RNF14: variants seen among roughly 807,000 people sequenced by gnomAD.
The protein encoded by RNF14 is ring finger protein 14, also known as E3 ubiquitin-protein ligase RNF14.
RNF14 carries 26 observed loss-of-function variants against 52.6 expected under a neutral mutation model. The ratio of observed to expected loss-of-function variants is 0.49; its 90% CI spans 0.36 to 0.69. The LOEUF is 0.69. Ranked by LOEUF, RNF14 falls within the 30% of genes least tolerant of loss-of-function variation. The pLI, the probability that RNF14 is intolerant of heterozygous loss-of-function variation, is 0.00. For synonymous variants in RNF14, 194 were observed against 202.0 expected (o/e 0.96, Z 0.34); for missense variants, 404 against 560.4 (o/e 0.72, Z 2.82).
the RNF14 span, among the ~76,000 whole-genome samples, chr5:141,951,882 CTG>C: frequency 6.6e-6 from 1 of 152,240 alleles, no homozygotes; most frequent in Non-Finnish European, 1.5e-5. Context: ...CTGGTGGACT[CTG>C]AGAGATGGGG....
upstream of RNF14, chr5:141,969,016 A>C (rs976319820): frequency 3.9e-5 from 6 of 152,158 alleles, no homozygotes; most frequent in African/African-American, 1.2e-4. Flanking sequence ...GGCGCCCGAG[A>C]GGCAGGGGCG....
At chr5:141,976,776 CTTTTTTTTTTTTTTTTT>C (rs70991717) in intron 4 of RNF14, among the ~76,000 whole-genome samples, 2 of 100,064 alleles carry the variant, frequency 2.0e-5, no homozygotes, top group African/African-American at 4.0e-5. Context: ...CTTTCTCTCT[CTTTTTTTTTTTTTTTTT>C]TTTTTTTTTT....
At chr5:141,979,224 G>GTTT (rs369460007) in intron 5 of RNF14, among the ~76,000 whole-genome samples, 13,242 of 71,974 alleles carry the variant, frequency 0.18, 710 homozygotes, top group Middle Eastern at 0.27. Context: ...GCCTACTTAG[G>GTTT]TGGTGGTGGT....
chr5:141,956,637 A>T, upstream of RNF14: 2 of 1,614,200 alleles, frequency 1.2e-6, no homozygotes, highest in South Asian at 2.2e-5. Flanking sequence ...TGTTGCCATT[A>T]GTTCTTTTCA....
In RNF14 at chr5:141,971,570, TC is replaced by T. The variant is rs376174657; in HGVS notation, c.-7+694del. ...TAATTGTAGCTAATTTCTTTTTCTT[TC>T]TTTCTTTCTTTCTTTCTTTCTTTCT... On this transcript the variant is annotated intron_variant, in intron 2 of 8. Transcript: ENST00000394520. Among the ~76,000 whole-genome samples, 161 of 137,690 alleles carry T rather than the reference TC, an allele frequency of 1.2e-3. 7 individuals carry two copies. The highest frequency in any genetic ancestry group is 7.4e-3 in the Middle Eastern group (2 of 272). The allele number at this position is 137,690 out of a possible 152,430, so 90.3% of individuals were successfully genotyped here.
intron 4 of RNF14, among the ~76,000 whole-genome samples, chr5:141,976,696 T>G (rs1226638971): frequency 6.6e-6 from 1 of 151,828 alleles, no homozygotes. Flanking sequence ...ACCTTATTCC[T>G]TATTCCTCCC....
At chr5:141,951,632 C>T in the RNF14 span, 1 of 1,368,852 alleles carries the variant, frequency 7.3e-7, no homozygotes, top group Non-Finnish European at 1.0e-6. Context: ...ACAATTCCGA[C>T]TCAGCACACT....
At chr5:141,969,069 G>A (rs187543), upstream of RNF14, 127,849 of 152,238 alleles carry the variant, frequency 0.84, 53,840 homozygotes, top group East Asian at 0.98. Context: ...CGGCGGTCGC[G>A]CCAGCGGGAT....
chr5:141,984,729 G>T, intron 7 of RNF14, 74 bp from the exon 8 acceptor site: 1 of 1,416,422 alleles, frequency 7.1e-7, no homozygotes, highest in Non-Finnish European at 9.9e-7. Context: ...ATGTTGTACT[G>T]AATCATTTTG....
chr5:141,986,059 C>G (rs1755210249), intron 8 of RNF14, among the ~76,000 whole-genome samples: 1 of 152,178 alleles, frequency 6.6e-6, no homozygotes, highest in Non-Finnish European at 1.5e-5. Flanking sequence ...CGTATTGGAT[C>G]ACATCAAGAG....
chr5:141,957,697 T>A, upstream of RNF14: 1 of 1,614,154 alleles, frequency 6.2e-7, no homozygotes. The surrounding 1 kb of genome is among the most constrained non-coding windows in gnomAD (Gnocchi z 4.3). Context: ...CCGGCCCAGT[T>A]CCTGGGACAG....
chr5:141,955,719 G>A (rs164074), upstream of RNF14: 883,811 of 1,613,270 alleles, frequency 0.55, 247,912 homozygotes, highest in East Asian at 0.84. The surrounding 1 kb of genome is among the most constrained non-coding windows in gnomAD (Gnocchi z 5.5). Context: ...ACATGCTCAA[G>A]GCCCCAGGCT....
At position 141,980,440 on chromosome 5, in the gene RNF14, A is replaced by G; in HGVS notation, c.1063+89A>G. On this transcript the variant is annotated intron_variant, in intron 6 of 8. Transcript: ENST00000394520. ...CCAGGGCCTTATGACTTCATTCTTCAATTTGGAAGTATTCATTTAGCAGAT... is the reference window on the plus strand; with the variant it reads ...CCAGGGCCTTATGACTTCATTCTTCGATTTGGAAGTATTCATTTAGCAGAT... The G allele has an allele frequency of 5.4e-6, 5 of 933,552 alleles. No individual in the cohort carries two copies. In the Middle Eastern group the frequency reaches 6.4e-4, roughly 120 times the overall value. The allele number at this position is 933,552 out of a possible 1,614,324, so 57.8% of individuals were successfully genotyped here. A position where few individuals can be genotyped will look rare whatever the true frequency, so the allele number is the denominator to read the frequency against.
At chr5:141,966,368 T>G (rs1463480758), upstream of RNF14, among the ~76,000 whole-genome samples, 2 of 152,156 alleles carry the variant, frequency 1.3e-5, no homozygotes, top group Non-Finnish European at 2.9e-5. Flanking sequence ...TCTTTTTATA[T>G]TAAAAATAAA....
intron 5 of RNF14, among the ~76,000 whole-genome samples, chr5:141,979,263 TG>T (rs1754549800): frequency 1.3e-5 from 2 of 152,122 alleles, no homozygotes; most frequent in Middle Eastern, 3.2e-3. Flanking sequence ...GTTGTTGTTT[TG>T]TTTGAGATGG....
the RNF14 span, among the ~76,000 whole-genome samples, chr5:141,950,053 G>A: frequency 1.3e-5 from 2 of 152,152 alleles, no homozygotes; most frequent in East Asian, 1.9e-4. Flanking sequence ...CCTTACTGAT[G>A]CTCAGAACAG....
In RNF14 at chr5:141,974,935, A is replaced by G. The variant is rs748753336; in HGVS notation, c.286A>G (p.Lys96Glu). 4.3e-6 allele frequency: 7 copies of G among 1,613,694 alleles called. No homozygotes were observed. The highest frequency in any genetic ancestry group is 1.7e-5 in the Admixed American group (1 of 59,848). Residue 96 changes from lysine to glutamate, a missense_variant, in exon 4 of 9, where the codon AAA (lysine) becomes GAA (glutamate). Coordinates refer to ENST00000394520, the MANE Select transcript of RNF14 (RefSeq NM_004290.5). ...CCCACCTTCATTCACACTTAGTGGC[A>G]AATGGCTGTCACCAACTCAGGTTAG... ...SSPPSFTLSGKWLSPTQLSAL... is the reference protein window; with the variant it reads ...SSPPSFTLSGEWLSPTQLSAL...
intron 6 of RNF14, among the ~76,000 whole-genome samples, chr5:141,981,194 A>G (rs1754741648): frequency 6.6e-6 from 1 of 152,228 alleles, no homozygotes; most frequent in South Asian, 2.1e-4. Flanking sequence ...GCTATTCAAA[A>G]TTGTTATATT....
upstream of RNF14, chr5:141,955,721 C>A (rs766038244): frequency 6.2e-7 from 1 of 1,613,968 alleles, no homozygotes; most frequent in African/African-American, 1.3e-5. The surrounding 1 kb of genome is among the most constrained non-coding windows in gnomAD (Gnocchi z 5.5). Context: ...ATGCTCAAGG[C>A]CCCAGGCTTG....
Sources: allele counts gnomAD v4.1 joint callset (sites outside exome capture counted in the v4.1 genomes callset), GRCh38; gene constraint gnomAD v4.1.1; non-coding constraint Gnocchi (gnomAD v3.1); transcripts MANE v1.5; gene names NCBI Gene and HGNC (gene_info 2026-07-23, HGNC 2026-07-21).